The following CLEC12A variants were observed in gnomAD, a reference collection of about 807,000 sequenced individuals.
CLEC12A encodes the protein C-type lectin domain family 12 member A, also known as C-type lectin protein CLL-1.
In CLEC12A, 22 loss-of-function variants were observed where a neutral mutation model predicts 26.5. The observed-to-expected ratio is 0.83, with a 90% confidence interval of 0.59 to 1.19. The LOEUF (loss-of-function observed/expected upper bound fraction) is 1.19. Ranked by LOEUF, CLEC12A falls within the 50% of genes most tolerant of loss-of-function variation. The pLI is 0.00. For synonymous variants in CLEC12A, 119 were observed against 101.9 expected (o/e 1.17, Z -1.01); for missense variants, 353 against 315.6 (o/e 1.12, Z -0.90).
upstream of CLEC12A, among the ~76,000 whole-genome samples, chr12:9,967,028 T>A (rs938800366): frequency 2.0e-5 from 3 of 151,714 alleles, no homozygotes; most frequent in African/African-American, 7.3e-5. Context: ...TGGGGAGGGC[T>A]AGTCATGGAA....
At chr12:9,988,705 C>T (rs1864825478), downstream of CLEC12A, among the ~76,000 whole-genome samples, 1 of 152,162 alleles carries the variant, frequency 6.6e-6, no homozygotes, top group African/African-American at 2.4e-5. Context: ...ATTAAAAAGT[C>T]AGGAGACAAC....
chr12:9,997,777 G>A (rs142402084), downstream of CLEC12A, among the ~76,000 whole-genome samples: 48 of 152,160 alleles, frequency 3.2e-4, no homozygotes, highest in African/African-American at 1.1e-3. Flanking sequence ...ACACAAACAA[G>A]CAACAACTAC....
At chr12:9,979,131 T>G (rs533597798) in intron 2 of CLEC12A, 67 bp downstream of exon 2, 12 of 1,327,380 alleles carry the variant, frequency 9.0e-6, no homozygotes, top group Middle Eastern at 1.8e-4. Context: ...CAACAAAAGT[T>G]TATTCCTTCA....
intron 1 of CLEC12A, among the ~76,000 whole-genome samples, chr12:9,960,972 C>T (rs1863818392): frequency 6.6e-6 from 1 of 152,180 alleles, no homozygotes; most frequent in African/African-American, 2.4e-5. Flanking sequence ...ATATGAGTGA[C>T]CATGCCCGTG....
intron 1 of CLEC12A, among the ~76,000 whole-genome samples, chr12:9,953,925 C>G (rs1382183214): frequency 6.6e-6 from 1 of 151,008 alleles, no homozygotes; most frequent in East Asian, 1.9e-4. Flanking sequence ...ACCCTGTGCT[C>G]TCTGAAACAT....
intron 4 of CLEC12A, chr12:9,991,108 T>C (rs562282445): frequency 6.6e-6 from 1 of 152,322 alleles, no homozygotes; most frequent in South Asian, 2.1e-4. Context: ...AATTGCTTTA[T>C]TGTGGTGGTC....
chr12:9,994,245 G>T (rs1446882546), intron 4 of CLEC12A, among the ~76,000 whole-genome samples: 2 of 152,042 alleles, frequency 1.3e-5, no homozygotes, highest in Non-Finnish European at 2.9e-5. Context: ...AAACGAGTTT[G>T]ATTTGTTGGA....
In CLEC12A at chr12:9,979,027, T is replaced by C; in HGVS notation, c.153T>C (p.Leu51=). 1 of 1,613,984 alleles carries C rather than the reference T, an allele frequency of 6.2e-7. No homozygotes were observed. Among genetic ancestry groups the C allele is most frequent in the East Asian group, 2.2e-5 (1 of 44,886 alleles). ...CCTTGTTTCTGACTCTTCTGTGCCT[T>C]CTGTTGCTCATTGGATTGGGAGTCT... ...PAALFLTLLC[L]LLLIGLGVLA... The change falls in exon 2 of 6, where the codon CTT becomes CTC. Residue 51 remains leucine, a synonymous_variant. Transcript: ENST00000304361.
chr12:9,956,222 C>G (rs1056233928), intron 1 of CLEC12A, among the ~76,000 whole-genome samples: 1 of 152,200 alleles, frequency 6.6e-6, no homozygotes, highest in African/African-American at 2.4e-5. Context: ...GTTACTGGAT[C>G]CTTTCTACCC....
chr12:9,971,296 T>C, upstream of CLEC12A: 1 of 581,680 alleles, frequency 1.7e-6, no homozygotes, highest in African/African-American at 2.0e-5. Flanking sequence ...CAAAAACTAC[T>C]TTCTGTAGTT....
At position 9,992,995 on chromosome 12, in the gene CLEC12A, G is replaced by C. The variant is rs1436990624; in HGVS notation, n.1005-2023G>C. ...TTCTGTATATTCAAAGAAGGGACTA[G>C]GTAATTCTGATAGGAAAGATAATAT... On this transcript the variant is annotated intron_variant and non_coding_transcript_variant, in intron 4 of 4. Coordinates refer to the CLEC12A transcript ENST00000449959. 4 of 707,762 alleles carry C rather than the reference G, an allele frequency of 5.7e-6. No homozygotes were observed. In the East Asian group the frequency reaches 1.0e-4, roughly 18 times the overall value. The allele number at this position is 707,762 out of a possible 1,614,324, so 43.8% of individuals were successfully genotyped here. A position where few individuals can be genotyped will look rare whatever the true frequency, so the allele number is the denominator to read the frequency against.
chr12:9,980,179 C>A (rs1565560452), intron 3 of CLEC12A, among the ~76,000 whole-genome samples: 1 of 152,014 alleles, frequency 6.6e-6, no homozygotes, highest in Admixed American at 6.6e-5. Context: ...CATAGGAAGA[C>A]ACACTTGAAT....
chr12:9,958,060 T>A (rs1432468211), intron 1 of CLEC12A, among the ~76,000 whole-genome samples: 1 of 152,202 alleles, frequency 6.6e-6, no homozygotes, highest in Non-Finnish European at 1.5e-5. Flanking sequence ...AGATCTGTGG[T>A]TTCCTGGAAG....
At chr12:9,952,101 A>AC in intron 1 of CLEC12A, 1 of 136,772 alleles carries the variant, frequency 7.3e-6, no homozygotes, top group East Asian at 2.1e-4. Flanking sequence ...AAAAAAAAAA[A>AC]AACAGGATGT....
rs1864710554 is a variant in CLEC12A, at chr12:9,984,915, TATAA to T, written c.691_694del (p.Asn231AspfsTer15). The T allele has an allele frequency of 6.3e-7, 1 of 1,582,112 alleles. No homozygotes were observed. Among genetic ancestry groups the T allele is most frequent in the African/African-American group, 1.4e-5 (1 of 74,002 alleles). Reference sequence around the variant, plus strand: ...ACTTAAATAACATGTATTGTGGATATATAAATAGACTATATGTTCAATATTATCA... The same window carrying T: ...ACTTAAATAACATGTATTGTGGATATATAGACTATATGTTCAATATTATCA... On this transcript the variant is annotated frameshift_variant, in exon 6 of 6. Coordinates refer to ENST00000304361, the MANE Select transcript of CLEC12A (RefSeq NM_138337.6). LOFTEE classifies it low-confidence loss of function (END_TRUNC).
chr12:9,951,357 G>C lies in CLEC12A; in HGVS notation c.10+1G>C. 1.4e-6 allele frequency: 1 copy of C among 702,986 alleles called. No homozygotes were observed. The highest frequency in any genetic ancestry group is 2.0e-5 in the Admixed American group (1 of 50,020). The allele number at this position is 702,986 out of a possible 1,614,324, so 43.5% of individuals were successfully genotyped here. A position where few individuals can be genotyped will look rare whatever the true frequency, so the allele number is the denominator to read the frequency against. ...AAATTTGACTTCTGCATGTGGATAG[G>C]TGAGTGTCTTTTGTGGATACCGACA... On this transcript the variant is annotated splice_donor_variant, in intron 1 of 6. Transcript: ENST00000355690. LOFTEE classifies it high-confidence loss of function.
chr12:10,005,019 A>G, the CLEC12A span, among the ~76,000 whole-genome samples: 1 of 151,842 alleles, frequency 6.6e-6, no homozygotes, highest in African/African-American at 2.4e-5. Context: ...GAAATGATCT[A>G]GTATATTTGA....
At chr12:9,992,429 C>T (rs1864913742) in intron 4 of CLEC12A, 1 of 152,052 alleles carries the variant, frequency 6.6e-6, no homozygotes, top group Non-Finnish European at 1.5e-5. Context: ...CATGAACTAT[C>T]TTATACAAAG....
At chr12:9,963,235 T>C (rs1008604999) in intron 1 of CLEC12A, among the ~76,000 whole-genome samples, 4 of 152,068 alleles carry the variant, frequency 2.6e-5, no homozygotes, top group Non-Finnish European at 5.9e-5. Flanking sequence ...ACTTACTTGG[T>C]TGGCAAGTTT....
Sources: allele counts gnomAD v4.1 joint callset (sites outside exome capture counted in the v4.1 genomes callset), GRCh38; gene constraint gnomAD v4.1.1; transcripts MANE v1.5; gene names NCBI Gene and HGNC (gene_info 2026-07-23, HGNC 2026-07-21).